The following NEBL variants were observed in gnomAD, a reference collection of about 807,000 sequenced individuals.
NEBL encodes the protein LIM and SH3 protein 2.
In NEBL, 122 loss-of-function variants were observed where a neutral mutation model predicts 140.2. The observed-to-expected ratio is 0.87, with a 90% CI of 0.75 to 1.01. The LOEUF (loss-of-function observed/expected upper bound fraction) is 1.01. Among genes scored for constraint, NEBL ranks in the 50% least tolerant of loss-of-function variants. The pLI, the probability that NEBL is intolerant of heterozygous loss-of-function variation, is 0.00. For missense variants in NEBL, 1,365 were observed against 1,231.3 expected, an observed-to-expected ratio of 1.11 and a Z score of -1.62; for synonymous variants, 436 against 398.9, an observed-to-expected ratio of 1.09 and a Z score of -1.11.
chr10:20,835,600 CT>C lies in NEBL; in HGVS notation c.1361del (p.Glu454GlyfsTer3). 1 of 1,610,912 alleles carries C rather than the reference CT, an allele frequency of 6.2e-7. No individual in the cohort carries two copies. Among genetic ancestry groups the C allele is most frequent in the Non-Finnish European group, 8.5e-7 (1 of 1,178,732 alleles). On this transcript the variant is annotated frameshift_variant, in exon 14 of 28. Transcript: ENST00000377122. LOFTEE classifies it high-confidence loss of function. ...GCATTCCTTTCCCTTTAATTATTGA[CT>C]CCAGGTCTTTCTTGTATTCTTTCTG... ...ASEKEYKKDLESIIKGKGMQA... is the reference protein window; with the variant it reads ...ASEKEYKKDLXSIIKGKGMQA...
At chr10:20,945,300 C>A (rs973141389) in intron 4 of NEBL, among the ~76,000 whole-genome samples, 4 of 152,142 alleles carry the variant, frequency 2.6e-5, no homozygotes, top group African/African-American at 9.7e-5. Flanking sequence ...AGGTGCCTTA[C>A]TCTGTACTCC....
intron 2 of NEBL, chr10:21,170,113 A>G (rs1344333992): frequency 6.6e-5 from 10 of 152,212 alleles, no homozygotes; most frequent in Admixed American, 6.5e-4. Context: ...ATTTTCAAGT[A>G]TCCCAATGCA....
At chr10:21,206,809 C>T (rs1841832934) in intron 3 of NEBL, among the ~76,000 whole-genome samples, 1 of 152,008 alleles carries the variant, frequency 6.6e-6, no homozygotes, top group Non-Finnish European at 1.5e-5. Flanking sequence ...CAATCCCATT[C>T]CTCTGTGGGG....
intron 2 of NEBL, among the ~76,000 whole-genome samples, chr10:21,077,227 A>C (rs1836138489): frequency 6.6e-6 from 1 of 152,148 alleles, no homozygotes; most frequent in Non-Finnish European, 1.5e-5. Flanking sequence ...TTCTTCAAAA[A>C]AAATAAAAAA....
chr10:20,845,462 T>C, intron 11 of NEBL, 94 bp from the exon 12 acceptor site: 1 of 799,548 alleles, frequency 1.3e-6, no homozygotes, highest in East Asian at 2.6e-5. Flanking sequence ...AAAATGATGT[T>C]TTCTTAGGTA....
chr10:21,213,857 CA>C (rs1274521729), intron 3 of NEBL, among the ~76,000 whole-genome samples: 2 of 152,142 alleles, frequency 1.3e-5, no homozygotes, highest in Non-Finnish European at 2.9e-5. Flanking sequence ...GTTCTGTGCC[CA>C]GAGGAAGTCC....
At chr10:20,990,221 A>G (rs1291967059) in intron 3 of NEBL, among the ~76,000 whole-genome samples, 1 of 152,224 alleles carries the variant, frequency 6.6e-6, no homozygotes, top group African/African-American at 2.4e-5. Flanking sequence ...AACTTTATAC[A>G]ACTGCCAAAA....
chr10:20,787,181 A>C, intron 27 of NEBL, 21 bp downstream of exon 27: 1 of 1,552,116 alleles, frequency 6.4e-7, no homozygotes, highest in Admixed American at 1.7e-5. Flanking sequence ...CTAAGGAGGA[A>C]CGTATCAAAT....
chr10:20,866,294 G>A (rs1432963699), intron 7 of NEBL, among the ~76,000 whole-genome samples: 5 of 152,070 alleles, frequency 3.3e-5, no homozygotes, highest in Non-Finnish European at 5.9e-5. Context: ...GAGATGGATG[G>A]TGGTGAGGGT....
At chr10:20,907,271 T>C (rs1564436979) in intron 4 of NEBL, among the ~76,000 whole-genome samples, 1 of 152,152 alleles carries the variant, frequency 6.6e-6, no homozygotes, top group Non-Finnish European at 1.5e-5. Context: ...GGAAATGTAT[T>C]TTATTAAGGG....
At chr10:21,067,059 G>A (rs1034364176) in intron 2 of NEBL, among the ~76,000 whole-genome samples, 2 of 139,678 alleles carry the variant, frequency 1.4e-5, no homozygotes, top group Non-Finnish European at 3.0e-5. Context: ...TGAAAGCTCC[G>A]CCTCCCGGGT....
At chr10:21,164,140 C>T (rs1331365108) in intron 2 of NEBL, among the ~76,000 whole-genome samples, 4 of 152,178 alleles carry the variant, frequency 2.6e-5, no homozygotes, top group African/African-American at 9.6e-5. Context: ...TACTTAGTTC[C>T]TAAAACATTC....
At chr10:20,817,734 G>C (rs751280507) in intron 20 of NEBL, 42 bp from the exon 21 acceptor site, 2 of 1,446,070 alleles carry the variant, frequency 1.4e-6, no homozygotes, top group Non-Finnish European at 1.9e-6. Context: ...AGCACAATGG[G>C]CTCCACTGAA....
rs150000482 is a variant in NEBL at position 20,889,889 on chromosome 10, G to T, written c.214C>A (p.Pro72Thr). ...KDKCTFVTDS[P>T]MLNHVKNIGA... ...ATATTTTTTACATGGTTTAGCATAG[G>T]ACTGTCAGTCACAAATGTACACTTA... The change falls in exon 3 of 28, where the codon CCT (proline) becomes ACT (threonine). Residue 72 changes from proline to threonine, a missense_variant. Pro to Thr is a conservative substitution (Grantham distance 38). This residue lies in a region of NEBL where 1,323 missense variants were observed against 1,154.8 expected (regional missense o/e 1.15). Transcript: ENST00000377122. 1.6e-4 allele frequency: 265 copies of T among 1,612,892 alleles called. 1 individual carries two copies. Among genetic ancestry groups the T allele is most frequent in the Non-Finnish European group, 2.0e-4 (238 of 1,179,214 alleles).
At chr10:20,915,309 G>C (rs948537175) in intron 4 of NEBL, among the ~76,000 whole-genome samples, 1 of 151,322 alleles carries the variant, frequency 6.6e-6, no homozygotes, top group African/African-American at 2.4e-5. Context: ...CATTGTGCAG[G>C]TTAGTTACAT....
intron 4 of NEBL, among the ~76,000 whole-genome samples, chr10:20,940,291 C>A (rs1834780625): frequency 6.6e-6 from 1 of 151,030 alleles, no homozygotes; most frequent in East Asian, 1.9e-4. Flanking sequence ...TCAATCAAAA[C>A]CGCTCAACTA....
intron 2 of NEBL, among the ~76,000 whole-genome samples, chr10:21,132,328 A>C (rs1839151922): frequency 6.6e-6 from 1 of 152,116 alleles, no homozygotes; most frequent in Non-Finnish European, 1.5e-5. Flanking sequence ...CACTCCTTTT[A>C]AGGGGTGAAT....
intron 3 of NEBL, among the ~76,000 whole-genome samples, chr10:21,014,170 C>T (rs151123662): frequency 0.023 from 3,557 of 152,162 alleles, 58 homozygotes; most frequent in Non-Finnish European, 0.037. Context: ...GTCACCCAGG[C>T]TGGAGTGCAG....
At chr10:20,910,189 A>T (rs1339603769) in intron 4 of NEBL, among the ~76,000 whole-genome samples, 2 of 152,212 alleles carry the variant, frequency 1.3e-5, no homozygotes, top group East Asian at 1.9e-4. Flanking sequence ...TTTAAAAATT[A>T]TCTATATAGT....
Sources: gnomAD v4.1 joint callset for allele counts (sites outside exome capture counted in the v4.1 genomes callset) on GRCh38, gnomAD v4.1.1 for gene constraint, gnomAD v4.1.1 regional missense constraint, MANE v1.5 for transcripts, NCBI Gene and HGNC (gene_info 2026-07-23, HGNC 2026-07-21) for gene names.